The following ROBO1 variants were observed in gnomAD, a reference collection of about 807,000 sequenced individuals.
The protein encoded by ROBO1 is roundabout guidance receptor 1, also known as roundabout homolog 1.
Under a neutral mutation model 195.9 loss-of-function variants are expected in ROBO1, and 149 were observed. That is an observed-to-expected ratio of 0.76 (90% CI 0.67 to 0.87). ROBO1 has a LOEUF of 0.87. Among genes scored for constraint, ROBO1 ranks in the 40% least tolerant of loss-of-function variants. ROBO1 has a pLI of 0.00. For missense variants in ROBO1, 1,933 were observed against 2,068.3 expected (o/e 0.93, Z 1.27); for synonymous variants, 816 against 733.2 (o/e 1.11, Z -1.82).
At position 78,942,623 on chromosome 3, in the gene ROBO1, T is replaced by C. The variant is rs1301656856; in HGVS notation, c.173-3696A>G. Among the ~76,000 whole-genome samples the C allele has an allele frequency of 2.6e-5, 4 of 152,152 alleles. No individual in the cohort carries two copies. The East Asian group carries it at 5.8e-4, about 22-fold the overall frequency. On this transcript the variant is annotated intron_variant, in intron 3 of 30. Transcript: ENST00000464233. ...TGAAGAATTTGGGATACTTCTAGAA[T>C]AGCCAAACGGTACTGACAAGCTGTC...
rs567936051 is a variant in ROBO1, at chr3:79,709,730, A to T, written c.-51+58022T>A. On this transcript the variant is annotated intron_variant, in intron 1 of 30. Coordinates refer to ENST00000464233, the MANE Select transcript of ROBO1 (RefSeq NM_002941.4). ...GCCTGCCCCAAATTCAAATGTTGAA[A>T]CCGAATCACCAATGTGATGCTATTA... Among the ~76,000 whole-genome samples the T allele has an allele frequency of 2.0e-4, 30 of 151,752 alleles. No individual in the cohort carries two copies. The South Asian group carries it at 5.6e-3, about 28-fold the overall frequency.
intron 4 of ROBO1, among the ~76,000 whole-genome samples, chr3:78,887,938 A>G (rs1028401299): frequency 3.9e-5 from 6 of 152,014 alleles, no homozygotes; most frequent in African/African-American, 1.2e-4. Context: ...ACAAGAACAC[A>G]CCCTCAAAAA....
At chr3:79,168,061 G>A (rs2081099611) in intron 2 of ROBO1, among the ~76,000 whole-genome samples, 1 of 152,104 alleles carries the variant, frequency 6.6e-6, no homozygotes, top group East Asian at 1.9e-4. Context: ...CTATTTTGGG[G>A]AATGTATACT....
intron 2 of ROBO1, among the ~76,000 whole-genome samples, chr3:79,137,903 A>G (rs1344688233): frequency 6.6e-6 from 1 of 152,108 alleles, no homozygotes. Context: ...AAGATTGGAT[A>G]ATTTCACAAA....
intron 4 of ROBO1, among the ~76,000 whole-genome samples, chr3:78,937,249 T>C (rs1424676466): frequency 6.6e-6 from 1 of 152,004 alleles, no homozygotes; most frequent in Non-Finnish European, 1.5e-5. Context: ...AATCCCTTTC[T>C]ACATTTATAA....
intron 4 of ROBO1, among the ~76,000 whole-genome samples, chr3:78,900,185 T>C (rs2037499913): frequency 6.6e-6 from 1 of 152,156 alleles, no homozygotes; most frequent in South Asian, 2.1e-4. Flanking sequence ...TTTTCTAAGA[T>C]AGAATCAATA....
chr3:79,766,321 T>A (rs1023061778), intron 1 of ROBO1, among the ~76,000 whole-genome samples: 1 of 151,862 alleles, frequency 6.6e-6, no homozygotes, highest in Admixed American at 6.6e-5. Flanking sequence ...GTGTCCTTTT[T>A]TCTTGGGGGC....
chr3:79,758,548 A>C (rs907511897), intron 1 of ROBO1, among the ~76,000 whole-genome samples: 2 of 152,246 alleles, frequency 1.3e-5, no homozygotes, highest in Admixed American at 6.5e-5. Context: ...CGAATGAGAG[A>C]GAGATGATCT....
intron 3 of ROBO1, among the ~76,000 whole-genome samples, chr3:79,007,486 T>C (rs570963263): frequency 9.2e-5 from 14 of 152,284 alleles, no homozygotes; most frequent in East Asian, 1.9e-4. Flanking sequence ...CATAGCATTA[T>C]ATCAAAGTCT....
chr3:79,330,078 T>G (rs947506628), intron 2 of ROBO1, among the ~76,000 whole-genome samples: 2 of 151,642 alleles, frequency 1.3e-5, no homozygotes, highest in Non-Finnish European at 2.9e-5. Context: ...AATTAGTAAT[T>G]TAAAAGGGTG....
intron 2 of ROBO1, among the ~76,000 whole-genome samples, chr3:79,432,904 T>C (rs960977975): frequency 3.9e-5 from 6 of 152,198 alleles, no homozygotes; most frequent in African/African-American, 1.4e-4. Context: ...AAATCCTGTC[T>C]TCAATATTAG....
chr3:78,723,917 C>G lies in ROBO1; in HGVS notation c.658-6034G>C, dbSNP rs562450018. Among the ~76,000 whole-genome samples, 106 of 152,264 alleles carry G rather than the reference C, an allele frequency of 7.0e-4. 1 individual carries two copies. The highest frequency in any genetic ancestry group is 6.8e-3 in the Middle Eastern group (2 of 294). ...CTGAGATTTCCCAGATTCGTATACT[C>G]TCCCGCATAAATTTCCCATCTCAAC... On this transcript the variant is annotated intron_variant, in intron 5 of 30. Coordinates refer to ENST00000464233, the MANE Select transcript of ROBO1 (RefSeq NM_002941.4).
chr3:78,997,428 G>C lies in ROBO1; in HGVS notation c.173-58501C>G, dbSNP rs532417314. ...GAGTGGTGATCCATTCTAAGCATTC[G>C]AGAAATGAACAAACCATTCCACTAG... On this transcript the variant is annotated intron_variant, in intron 3 of 30. Transcript: ENST00000464233. Among the ~76,000 whole-genome samples the C allele has an allele frequency of 7.9e-5, 12 of 152,024 alleles. No individual in the cohort carries two copies. The East Asian group carries it at 2.3e-3, about 29-fold the overall frequency.
chr3:79,146,849 CA>C (rs975423229), intron 2 of ROBO1, among the ~76,000 whole-genome samples: 2 of 151,760 alleles, frequency 1.3e-5, no homozygotes, highest in Admixed American at 1.3e-4. Flanking sequence ...AAGAAGTGGC[CA>C]GTTTTCTTGA....
chr3:79,547,074 A>G (rs1325337441), intron 2 of ROBO1, among the ~76,000 whole-genome samples: 1 of 149,598 alleles, frequency 6.7e-6, no homozygotes. Context: ...AGTCCCAGCT[A>G]CTCGGGAGGC....
At chr3:78,763,531 T>C (rs532793594) in intron 4 of ROBO1, among the ~76,000 whole-genome samples, 2 of 152,174 alleles carry the variant, frequency 1.3e-5, no homozygotes, top group Non-Finnish European at 2.9e-5. Flanking sequence ...CATGTGTTCA[T>C]TATGAAGTTT....
intron 3 of ROBO1, among the ~76,000 whole-genome samples, chr3:79,035,452 G>A (rs2078365914): frequency 6.6e-6 from 1 of 152,148 alleles, no homozygotes. Context: ...GGGTGAGGTG[G>A]CTCATGCCTG....
At chr3:79,322,901 C>T (rs1469954120) in intron 2 of ROBO1, among the ~76,000 whole-genome samples, 23 of 152,126 alleles carry the variant, frequency 1.5e-4, no homozygotes, top group Admixed American at 1.5e-3. Flanking sequence ...GAATACATTT[C>T]AAATTTGCAT....
At chr3:78,638,271 A>G (rs536273842) in intron 22 of ROBO1, among the ~76,000 whole-genome samples, 207 of 137,560 alleles carry the variant, frequency 1.5e-3, no homozygotes, top group African/African-American at 5.4e-3. Flanking sequence ...GTATATGTGT[A>G]TATATATACT....
Sources: gnomAD v4.1 joint callset for allele counts (sites outside exome capture counted in the v4.1 genomes callset) on GRCh38, gnomAD v4.1.1 for gene constraint, MANE v1.5 for transcripts, NCBI Gene and HGNC (gene_info 2026-07-23, HGNC 2026-07-21) for gene names.